Variants in CACNA1C observed in about 807,000 individuals in gnomAD.
CACNA1C encodes the protein voltage-dependent L-type calcium channel subunit alpha-1C.
In CACNA1C, 30 loss-of-function variants were observed where a neutral mutation model predicts 229.0. That is an observed-to-expected ratio of 0.13 (90% CI 0.10 to 0.18). The LOEUF is 0.18. CACNA1C is among the 10% of genes least tolerant of loss of function. The pLI is 1.00. For missense variants in CACNA1C, 1,658 were observed against 2,845.0 expected (o/e 0.58, Z 9.49); for synonymous variants, 1,114 against 1,132.5 (o/e 0.98, Z 0.33).
At chr12:2,432,059 A>G (rs1030197496) in intron 3 of CACNA1C, among the ~76,000 whole-genome samples, 2 of 152,226 alleles carry the variant, frequency 1.3e-5, no homozygotes, top group Non-Finnish European at 2.9e-5. Flanking sequence ...TTATATCATT[A>G]TAATTGTGCT....
intron 1 of CACNA1C, among the ~76,000 whole-genome samples, chr12:2,111,823 C>T (rs2081879459): frequency 6.6e-6 from 1 of 152,168 alleles, no homozygotes; most frequent in African/African-American, 2.4e-5. Context: ...CTCAGTGGCT[C>T]CAGTACAGCA....
intron 3 of CACNA1C, among the ~76,000 whole-genome samples, chr12:2,306,930 TG>T (rs1216866836): frequency 6.6e-6 from 1 of 152,210 alleles, no homozygotes. Context: ...TAGCGTCCAT[TG>T]GCTGTCAGGA....
rs886259764 is a variant in CACNA1C, at chr12:2,216,225, G to A, written c.477+95795G>A. On this transcript the variant is annotated intron_variant, in intron 3 of 46. Coordinates refer to ENST00000399655, the MANE Select transcript of CACNA1C (RefSeq NM_000719.7). ...CTTGAGCTGGCTCAGTGCCTCAGTC[G>A]GGCACTGGATATGGACTGGGACCAC... Among the ~76,000 whole-genome samples, 15 of 152,252 alleles carry A rather than the reference G, an allele frequency of 9.9e-5. No individual in the cohort carries two copies. In the South Asian group the frequency reaches 1.0e-3, roughly 11 times the overall value.
chr12:2,615,957 C>T (rs917959183), intron 29 of CACNA1C, among the ~76,000 whole-genome samples: 18 of 152,212 alleles, frequency 1.2e-4, no homozygotes, highest in African/African-American at 4.1e-4. Context: ...CACACAGGCT[C>T]CACCTGGGCC....
intron 3 of CACNA1C, among the ~76,000 whole-genome samples, chr12:2,137,748 G>A (rs2093693425): frequency 1.3e-5 from 2 of 150,782 alleles, no homozygotes; most frequent in Non-Finnish European, 3.0e-5. Flanking sequence ...CTCCTCTCAA[G>A]ATAACTTAGA....
intron 3 of CACNA1C, among the ~76,000 whole-genome samples, chr12:2,262,712 G>T (rs1193191165): frequency 6.6e-6 from 1 of 152,142 alleles, no homozygotes; most frequent in Non-Finnish European, 1.5e-5. Context: ...CTAAAATATG[G>T]GATGAATGCT....
intron 3 of CACNA1C, among the ~76,000 whole-genome samples, chr12:2,153,905 C>T (rs948567220): frequency 1.3e-5 from 2 of 152,228 alleles, no homozygotes; most frequent in African/African-American, 2.4e-5. Flanking sequence ...CAGGGTCTCA[C>T]CAAGTGCCAC....
chr12:2,503,362 G>C (rs1400297682), intron 7 of CACNA1C, among the ~76,000 whole-genome samples: 1 of 152,190 alleles, frequency 6.6e-6, no homozygotes, highest in African/African-American at 2.4e-5. Context: ...GACAAAGTTG[G>C]GTGCATTTTT....
At chr12:2,164,898 A>T (rs1384761490) in intron 3 of CACNA1C, among the ~76,000 whole-genome samples, 1 of 152,174 alleles carries the variant, frequency 6.6e-6, no homozygotes, top group Non-Finnish European at 1.5e-5. Context: ...ATCGTCATTG[A>T]AGTGGGGAGG....
In CACNA1C at chr12:2,450,781, G is replaced by A. The variant is rs372660368; in HGVS notation, c.617+1666G>A. Among the ~76,000 whole-genome samples the A allele has an allele frequency of 1.7e-3, 263 of 152,120 alleles. 1 individual carries two copies. Among genetic ancestry groups the A allele is most frequent in the African/African-American group, 6.1e-3 (254 of 41,484 alleles). ...TGCAGAGTCAAGGTCAGAATGTCAGGAGCTCTTTATCCCAGAGGCCTATTT... is the reference window on the plus strand; with the variant it reads ...TGCAGAGTCAAGGTCAGAATGTCAGAAGCTCTTTATCCCAGAGGCCTATTT... On this transcript the variant is annotated intron_variant, in intron 4 of 46. Transcript: ENST00000399655.
chr12:2,188,906 T>C (rs11062147), intron 3 of CACNA1C, among the ~76,000 whole-genome samples: 53,429 of 151,380 alleles, frequency 0.35, 9,771 homozygotes, highest in South Asian at 0.39. Context: ...TCCTGGCTAA[T>C]ATGGTGAAAC....
rs1427697797 is a variant in CACNA1C, at chr12:2,632,420, GA to G, written c.3829-1874del. Among the ~76,000 whole-genome samples the G allele has an allele frequency of 6.6e-6, 1 of 152,092 alleles. No homozygotes were observed. The highest frequency in any genetic ancestry group is 1.5e-5 in the Non-Finnish European group (1 of 68,008). ...AGGCCCCTACACCTCCTACACCCAA[GA>G]AATCCATCTGCTAAAGAGTCCACTC... On this transcript the variant is annotated intron_variant, in intron 29 of 46. Coordinates refer to ENST00000399655, the MANE Select transcript of CACNA1C (RefSeq NM_000719.7). This position sits in a 1 kb window ranked among gnomAD's most constrained non-coding sequence, Gnocchi z 4.1.
intron 1 of CACNA1C, among the ~76,000 whole-genome samples, chr12:2,105,212 C>T (rs141938946): frequency 2.4e-4 from 36 of 152,352 alleles, no homozygotes; most frequent in Admixed American, 2.4e-3. Context: ...TGGCTTGGGC[C>T]TCTGAAGTGC....
intron 3 of CACNA1C, among the ~76,000 whole-genome samples, chr12:2,229,747 C>A (rs577887123): frequency 6.6e-6 from 1 of 152,328 alleles, no homozygotes; most frequent in African/African-American, 2.4e-5. Context: ...GTTACAGACA[C>A]TGACAGACGA....
intron 3 of CACNA1C, among the ~76,000 whole-genome samples, chr12:2,300,040 G>T (rs903973311): frequency 6.6e-6 from 1 of 152,244 alleles, no homozygotes; most frequent in Non-Finnish European, 1.5e-5. Flanking sequence ...CAATTTCTAA[G>T]ATTTAAAGAG....
At chr12:2,417,195 T>G (rs906189550) in intron 3 of CACNA1C, among the ~76,000 whole-genome samples, 1 of 152,206 alleles carries the variant, frequency 6.6e-6, no homozygotes, top group Admixed American at 6.5e-5. Flanking sequence ...AGTGGCCGTT[T>G]CCATGCGTGG....
At chr12:2,272,213 T>C (rs2085365301) in intron 3 of CACNA1C, among the ~76,000 whole-genome samples, 1 of 152,198 alleles carries the variant, frequency 6.6e-6, no homozygotes, top group Admixed American at 6.5e-5. Flanking sequence ...AACCCTCTGC[T>C]TCACCAGGAA....
rs962292866 is a variant in CACNA1C at position 2,205,259 on chromosome 12, G to T, written c.477+84829G>T. Among the ~76,000 whole-genome samples, 11 of 152,226 alleles carry T rather than the reference G, an allele frequency of 7.2e-5. No individual in the cohort carries two copies. In the East Asian group the frequency reaches 1.4e-3, roughly 19 times the overall value. ...GGGAAAGCCAGTGTGTGGAGGTGCA[G>T]CGTGACCTGAACCAGTCCTGAGAGG... On this transcript the variant is annotated intron_variant, in intron 3 of 46. Coordinates refer to ENST00000399655, the MANE Select transcript of CACNA1C (RefSeq NM_000719.7).
intron 1 of CACNA1C, among the ~76,000 whole-genome samples, chr12:2,030,009 C>T (rs1358331579): frequency 2.6e-5 from 4 of 152,242 alleles, no homozygotes; most frequent in African/African-American, 9.6e-5. Flanking sequence ...CTCTTATCAG[C>T]ACCTTTGCTG....
Sources: gnomAD v4.1 joint callset for allele counts (sites outside exome capture counted in the v4.1 genomes callset) on GRCh38, gnomAD v4.1.1 for gene constraint, Gnocchi (gnomAD v3.1) non-coding constraint, MANE v1.5 for transcripts, NCBI Gene and HGNC (gene_info 2026-07-23, HGNC 2026-07-21) for gene names.